ATP6V0D2: variants seen among roughly 807,000 people sequenced by gnomAD.
ATP6V0D2 encodes ATPase H+ transporting V0 subunit d2.
Under a neutral mutation model 40.0 loss-of-function variants are expected in ATP6V0D2, and 40 were observed. The ratio of observed to expected loss-of-function variants is 1.00; its 90% confidence interval spans 0.78 to 1.30. ATP6V0D2 has a LOEUF of 1.30. Ranked by LOEUF, ATP6V0D2 falls within the 50% of genes most tolerant of loss-of-function variation. The probability of loss-of-function intolerance (pLI) is 0.00; values close to 1 mark genes in which losing one functional copy is unlikely to be tolerated. For synonymous variants in ATP6V0D2, 179 were observed against 156.3 expected (o/e 1.15, Z -1.08); for missense variants, 470 against 423.1 (o/e 1.11, Z -0.97).
chr8:86,146,318 T>C (rs1004557211), intron 5 of ATP6V0D2, among the ~76,000 whole-genome samples: 1 of 152,180 alleles, frequency 6.6e-6, no homozygotes, highest in Admixed American at 6.5e-5. Flanking sequence ...CAAACTACGA[T>C]ATGCCCAGTG....
chr8:86,139,721 C>A, intron 3 of ATP6V0D2, 86 bp downstream of exon 3: 1 of 1,404,908 alleles, frequency 7.1e-7, no homozygotes, highest in Non-Finnish European at 9.6e-7. Context: ...TCCCTGTGGT[C>A]CAAAAGAAAA....
chr8:86,142,154 T>C (rs1424571805), intron 4 of ATP6V0D2, among the ~76,000 whole-genome samples: 1 of 152,190 alleles, frequency 6.6e-6, no homozygotes, highest in Admixed American at 6.5e-5. Flanking sequence ...TGAACATATA[T>C]GGCATGCTGT....
Position 86,139,556 on chromosome 8 carries a change from T to C in ATP6V0D2, c.402T>C (p.Arg134=), listed in dbSNP as rs557845901. 35 of 1,613,760 alleles carry C rather than the reference T, an allele frequency of 2.2e-5. No individual in the cohort carries two copies. The highest frequency in any genetic ancestry group is 2.7e-5 in the African/African-American group (2 of 75,022). The part of the protein sequence containing the change: ...EILGKCHPLG[R]FTEMEAVNIA... ...TGGGGAAGTGCCACCCCTTGGGCCG[T>C]TTCACAGAAATGGAAGCTGTCAACA... Residue 134 remains arginine, a synonymous_variant, in exon 3 of 8, where the codon CGT becomes CGC. Coordinates refer to ENST00000285393, the MANE Select transcript of ATP6V0D2 (RefSeq NM_152565.1).
Position 86,118,030 on chromosome 8 carries a change from T to C in ATP6V0D2, c.302+4150T>C, listed in dbSNP as rs199699224. Among the ~76,000 whole-genome samples, 1,253 of 137,924 alleles carry C rather than the reference T, an allele frequency of 9.1e-3. 30 individuals are homozygous for C. Among genetic ancestry groups the C allele is most frequent in the African/African-American group, 0.029 (1,148 of 39,176 alleles). The allele number at this position is 137,924 out of a possible 152,430, so 90.5% of individuals were successfully genotyped here. Reference sequence around the variant, plus strand: ...TCTTTCTTTCTTTCTTTCTTTCTTTTTTTTTCTTTCTTTCTTCTTTCTTTT... The same window carrying C: ...TCTTTCTTTCTTTCTTTCTTTCTTTCTTTTTCTTTCTTTCTTCTTTCTTTT... On this transcript the variant is annotated intron_variant, in intron 2 of 7. Transcript: ENST00000285393.
Position 86,136,653 on chromosome 8 carries a change from C to T in ATP6V0D2, c.303-2804C>T, listed in dbSNP as rs146337969. Among the ~76,000 whole-genome samples the T allele has an allele frequency of 1.3e-3, 193 of 152,214 alleles. 3 individuals carry two copies. Among genetic ancestry groups the T allele is most frequent in the African/African-American group, 4.5e-3 (186 of 41,520 alleles). On this transcript the variant is annotated intron_variant, in intron 2 of 7. Coordinates refer to ENST00000285393, the MANE Select transcript of ATP6V0D2 (RefSeq NM_152565.1). ...CTTTTTATAAAGGGATAATTGCCTGCTTCAAAATCTTCTCTAGTTAGAATT... is the reference window on the plus strand; with the variant it reads ...CTTTTTATAAAGGGATAATTGCCTGTTTCAAAATCTTCTCTAGTTAGAATT...
At position 86,111,862 on chromosome 8, in the gene ATP6V0D2, C is replaced by T. The variant is rs556788966; in HGVS notation, c.131-1847C>T. On this transcript the variant is annotated intron_variant, in intron 1 of 7. Coordinates refer to ENST00000285393, the MANE Select transcript of ATP6V0D2 (RefSeq NM_152565.1). The stretch of plus-strand genomic sequence containing the variant: ...GATCTGGGTCTCATTTTCTATGTTC[C>T]CATAAATCAAGGACCTTATCTTTAT... Among the ~76,000 whole-genome samples, 24 of 152,284 alleles carry T rather than the reference C, an allele frequency of 1.6e-4. No homozygotes were observed. The South Asian group carries it at 5.0e-3, about 32-fold the overall frequency.
At position 86,141,485 on chromosome 8, in the gene ATP6V0D2, C is replaced by G. The variant is rs1302435200; in HGVS notation, c.517C>G (p.Leu173Val). 6.2e-7 allele frequency: 1 copy of G among 1,610,520 alleles called. No individual in the cohort carries two copies. Among genetic ancestry groups the G allele is most frequent in the Non-Finnish European group, 8.5e-7 (1 of 1,178,132 alleles). ...CCAAGACTGCATGTCTGAAAATGCT[C>G]TAGATGAACTGAATATTGAATTGCT... ...FFQDCMSENALDELNIELLRN... is the reference protein window; with the variant it reads ...FFQDCMSENAVDELNIELLRN... The change falls in exon 4 of 8, where the codon CTA (leucine) becomes GTA (valine). Residue 173 changes from leucine to valine, a missense_variant. Coordinates refer to ENST00000285393, the MANE Select transcript of ATP6V0D2 (RefSeq NM_152565.1).
intron 5 of ATP6V0D2, among the ~76,000 whole-genome samples, chr8:86,147,871 G>T (rs952872516): frequency 6.6e-6 from 1 of 152,118 alleles, no homozygotes; most frequent in Non-Finnish European, 1.5e-5. Context: ...AGGAGGTAGC[G>T]AGAAGATGGA....
At chr8:86,104,850 T>C (rs200169511) in intron 1 of ATP6V0D2, among the ~76,000 whole-genome samples, 224 of 146,054 alleles carry the variant, frequency 1.5e-3, no homozygotes, top group Non-Finnish European at 2.0e-3. Flanking sequence ...TTAAAACACA[T>C]ACACACACAC....
intron 2 of ATP6V0D2, among the ~76,000 whole-genome samples, chr8:86,129,488 C>T (rs545448278): frequency 6.6e-6 from 1 of 151,936 alleles, no homozygotes; most frequent in Non-Finnish European, 1.5e-5. Flanking sequence ...CCAGCCTAGG[C>T]AACACAGGGA....
At chr8:86,118,210 G>A (rs1225084026) in intron 2 of ATP6V0D2, among the ~76,000 whole-genome samples, 2 of 145,154 alleles carry the variant, frequency 1.4e-5, no homozygotes, top group Admixed American at 1.4e-4. Context: ...ACAGGCGCAC[G>A]CCACCACGCC....
intron 2 of ATP6V0D2, among the ~76,000 whole-genome samples, chr8:86,117,897 G>A (rs1818611687): frequency 1.3e-5 from 2 of 152,242 alleles, no homozygotes; most frequent in South Asian, 4.1e-4. Flanking sequence ...GTGGGGAAAC[G>A]AGGCTGGAGA....
intron 2 of ATP6V0D2, among the ~76,000 whole-genome samples, chr8:86,130,913 T>C (rs540617935): frequency 1.3e-5 from 2 of 152,228 alleles, no homozygotes; most frequent in East Asian, 3.9e-4. Flanking sequence ...TATCTCCGTC[T>C]CTGCTCACTC....
chr8:86,131,452 G>A (rs969175117), intron 2 of ATP6V0D2, among the ~76,000 whole-genome samples: 12 of 151,936 alleles, frequency 7.9e-5, no homozygotes, highest in Non-Finnish European at 1.8e-4. Flanking sequence ...GCCCGCCTTA[G>A]CCTCCCAAAA....
At chr8:86,137,709 C>T (rs1269834942) in intron 2 of ATP6V0D2, among the ~76,000 whole-genome samples, 1 of 152,122 alleles carries the variant, frequency 6.6e-6, no homozygotes, top group Non-Finnish European at 1.5e-5. Flanking sequence ...GCCCAGAAAC[C>T]TACACATCAC....
intron 1 of ATP6V0D2, among the ~76,000 whole-genome samples, chr8:86,102,835 G>T (rs1818421784): frequency 6.6e-6 from 1 of 152,058 alleles, no homozygotes; most frequent in Non-Finnish European, 1.5e-5. Context: ...TTTGTCACTG[G>T]TATTGCTTTA....
intron 1 of ATP6V0D2, 137 bp downstream of exon 1, chr8:86,099,245 GA>G: frequency 1.1e-6 from 1 of 899,794 alleles, no homozygotes; most frequent in Non-Finnish European, 1.5e-6. Context: ...CTGCAGTCCA[GA>G]TTTCTGGGGT....
At position 86,139,439 on chromosome 8, in the gene ATP6V0D2, A is replaced by T. The variant is rs760167360; in HGVS notation, c.303-18A>T. ...TTTTGCAGCTGTCCTCTAATGATTG[A>T]GTTGTCTTCTGAACCAGGTGCAGTT... On this transcript the variant is annotated intron_variant, in intron 2 of 7. Transcript: ENST00000285393. 1.3e-6 allele frequency: 2 copies of T among 1,585,868 alleles called. No homozygotes were observed. The highest frequency in any genetic ancestry group is 1.7e-6 in the Non-Finnish European group (2 of 1,167,086).
At chr8:86,113,277 G>A (rs1438561688) in intron 1 of ATP6V0D2, among the ~76,000 whole-genome samples, 2 of 151,924 alleles carry the variant, frequency 1.3e-5, no homozygotes, top group African/African-American at 4.8e-5. Context: ...TCAGGAGTTC[G>A]AGACCAGCCT....
Sources: gnomAD v4.1 joint callset for allele counts (sites outside exome capture counted in the v4.1 genomes callset) on GRCh38, gnomAD v4.1.1 for gene constraint, MANE v1.5 for transcripts, NCBI Gene and HGNC (gene_info 2026-07-23, HGNC 2026-07-21) for gene names.